The following SYTL2 variants were observed in gnomAD, a reference collection of about 807,000 sequenced individuals.
The protein encoded by SYTL2 is synaptotagmin like 2.
SYTL2 carries 165 observed loss-of-function variants against 198.7 expected under a neutral mutation model. That is an observed-to-expected ratio of 0.83 (90% CI 0.73 to 0.94). The LOEUF (loss-of-function observed/expected upper bound fraction) is 0.94. Among genes scored for constraint, SYTL2 ranks in the 40% least tolerant of loss-of-function variants. The probability of loss-of-function intolerance (pLI) is 0.00; values close to 1 mark genes in which losing one functional copy is unlikely to be tolerated. For missense variants in SYTL2, 2,835 were observed against 2,582.8 expected (o/e 1.10, Z -2.12); for synonymous variants, 966 against 917.7 (o/e 1.05, Z -0.95).
the SYTL2 span, among the ~76,000 whole-genome samples, chr11:85,824,224 T>C: frequency 1.3e-5 from 2 of 151,892 alleles, no homozygotes; most frequent in Admixed American, 1.3e-4. Context: ...GGAAGAAGAT[T>C]GGAGAGGTTA....
intron 1 of SYTL2, among the ~76,000 whole-genome samples, chr11:85,801,797 C>G (rs939280300): frequency 2.0e-5 from 3 of 151,870 alleles, no homozygotes; most frequent in Non-Finnish European, 2.9e-5. Context: ...GTCCTGTGTG[C>G]CAACTCAGTA....
intron 4 of SYTL2, among the ~76,000 whole-genome samples, chr11:85,739,061 A>G (rs2090581552): frequency 6.6e-6 from 1 of 151,920 alleles, no homozygotes; most frequent in African/African-American, 2.4e-5. Flanking sequence ...CTACTATGCA[A>G]CCTCCTCTGT....
At chr11:85,712,439 C>G (rs942954215) in intron 12 of SYTL2, among the ~76,000 whole-genome samples, 1 of 152,114 alleles carries the variant, frequency 6.6e-6, no homozygotes, top group South Asian at 2.1e-4. Flanking sequence ...GTAACTGGCA[C>G]TCAACAAATG....
chr11:85,834,183 A>T, the SYTL2 span, among the ~76,000 whole-genome samples: 1 of 152,224 alleles, frequency 6.6e-6, no homozygotes, highest in Non-Finnish European at 1.5e-5. Flanking sequence ...ATATTATCAC[A>T]TTCAGAATAT....
chr11:85,782,402 T>TG (rs1172290250), intron 1 of SYTL2, among the ~76,000 whole-genome samples: 2 of 152,032 alleles, frequency 1.3e-5, no homozygotes, highest in African/African-American at 2.4e-5. Flanking sequence ...CTGTGATGGG[T>TG]GGGGGGGCTG....
intron 1 of SYTL2, among the ~76,000 whole-genome samples, chr11:85,759,866 T>C (rs2092044446): frequency 6.6e-6 from 1 of 152,180 alleles, no homozygotes; most frequent in Non-Finnish European, 1.5e-5. Flanking sequence ...AGTTACCACC[T>C]CCATGAAGCC....
chr11:85,816,411 T>C, the SYTL2 span, among the ~76,000 whole-genome samples: 1 of 152,100 alleles, frequency 6.6e-6, no homozygotes, highest in Non-Finnish European at 1.5e-5. Context: ...CCTCCACTTA[T>C]ATGAGGTACC....
rs144051405 is a variant in SYTL2 at position 85,708,104 on chromosome 11, T to C, written c.5916-573A>G. 1.7e-3 allele frequency: 737 copies of C among 427,182 alleles called. 6 individuals are homozygous for C. Among genetic ancestry groups the C allele is most frequent in the African/African-American group, 0.015 (712 of 47,052 alleles). 26.5% of individuals were successfully genotyped at this position (427,182 alleles called of 1,614,324 possible). A position where few individuals can be genotyped will look rare whatever the true frequency, so the allele number is the denominator to read the frequency against. ...CTTGAACCCGGGAGGCGAAGGTTGC[T>C]GTGAGCTGAGATCGTGCCAGCCTGG... is the stretch of plus-strand genomic sequence containing the variant. On this transcript the variant is annotated intron_variant, in intron 14 of 19. Coordinates refer to ENST00000359152, the MANE Select transcript of SYTL2 (RefSeq NM_206927.4).
At chr11:85,802,220 C>CTTTTTTTTTTTT (rs5793172) in intron 1 of SYTL2, among the ~76,000 whole-genome samples, 12 of 122,586 alleles carry the variant, frequency 9.8e-5, no homozygotes, top group South Asian at 2.6e-4. Context: ...TTTTTCTTTT[C>CTTTTTTTTTTTT]TTTTTTTTTT....
At chr11:85,699,085 G>T (rs928078048) in intron 17 of SYTL2, among the ~76,000 whole-genome samples, 11 of 152,234 alleles carry the variant, frequency 7.2e-5, no homozygotes, top group Middle Eastern at 3.4e-3. Flanking sequence ...GATATACAGA[G>T]AATACATGAA....
At position 85,709,470 on chromosome 11, in the gene SYTL2, C is replaced by T. The variant is rs1309612596; in HGVS notation, c.5776G>A (p.Gly1926Arg). ...VSGSVMSVYS[G>R]DFGNLEVKGN... ...TTAACTTCCAGATTGCCAAAGTCTC[C>T]ACTATAAACACTCATCACACTGCCA... Residue 1926 changes from glycine to arginine, a missense_variant, in exon 14 of 20, where the codon GGA becomes AGA. Transcript: ENST00000359152. The T allele has an allele frequency of 1.9e-6, 3 of 1,613,948 alleles. No individual in the cohort carries two copies. The highest frequency in any genetic ancestry group is 1.7e-4 in the Middle Eastern group (1 of 6,052).
Position 85,757,834 on chromosome 11 carries a change from C to T in SYTL2, c.-109G>A. ...ATTAAAACACACAAAAATGAAATAT[C>T]TTGTTCAGTTCTGCATCAAAGTCTT... On this transcript the variant is annotated 5_prime_UTR_variant, in exon 2 of 20. Coordinates refer to ENST00000359152, the MANE Select transcript of SYTL2 (RefSeq NM_206927.4). 1 of 1,514,420 alleles carries T rather than the reference C, an allele frequency of 6.6e-7. No homozygotes were observed. The highest frequency in any genetic ancestry group is 1.4e-5 in the African/African-American group (1 of 73,000). 93.8% of individuals were successfully genotyped at this position (1,514,420 alleles called of 1,614,324 possible).
intron 4 of SYTL2, among the ~76,000 whole-genome samples, chr11:85,741,010 C>T (rs1457573242): frequency 2.6e-5 from 4 of 152,068 alleles, no homozygotes; most frequent in South Asian, 2.1e-4. Context: ...AGGTTTTTAA[C>T]GTTCACCAGC....
intron 15 of SYTL2, among the ~76,000 whole-genome samples, chr11:85,706,233 A>G (rs1467876567): frequency 6.6e-6 from 1 of 152,162 alleles, no homozygotes; most frequent in Non-Finnish European, 1.5e-5. Flanking sequence ...CTCCACTGCT[A>G]AGGTAGGTAG....
At chr11:85,783,234 G>A (rs2092589180) in intron 1 of SYTL2, among the ~76,000 whole-genome samples, 1 of 152,158 alleles carries the variant, frequency 6.6e-6, no homozygotes, top group Non-Finnish European at 1.5e-5. Context: ...TTTTTTACAT[G>A]GTGGCAGCAA....
At position 85,724,819 on chromosome 11, in the gene SYTL2, G is replaced by A. The variant is rs547877623; in HGVS notation, c.4539C>T (p.Pro1513=). ...KLLKEETETF[P]SKYESDTGNL... ...TCCCTGTATCACTTTCATATTTTGA[G>A]GGGAAGGTTTCAGTTTCTTCCTTCA... is the stretch of plus-strand genomic sequence containing the variant. Residue 1513 remains proline (P), a synonymous_variant, in exon 8 of 20, where the codon CCC becomes CCT. Transcript: ENST00000359152. 8 of 1,613,612 alleles carry A rather than the reference G, an allele frequency of 5.0e-6. No homozygotes were observed. In the Admixed American group the frequency reaches 1.0e-4, roughly 20 times the overall value.
At chr11:85,831,053 A>G in the SYTL2 span, among the ~76,000 whole-genome samples, 30,155 of 152,040 alleles carry the variant, frequency 0.2, 3,372 homozygotes, top group Middle Eastern at 0.22. Context: ...GGGCTGGCTA[A>G]CCCAAGTTGA....
chr11:85,758,405 G>A (rs2091977222), intron 1 of SYTL2, among the ~76,000 whole-genome samples: 1 of 152,232 alleles, frequency 6.6e-6, no homozygotes, highest in South Asian at 2.1e-4. Flanking sequence ...CTCTGGGGAT[G>A]CTAGGCTAAA....
At chr11:85,753,341 G>A (rs1342016997) in intron 2 of SYTL2, among the ~76,000 whole-genome samples, 2 of 152,100 alleles carry the variant, frequency 1.3e-5, no homozygotes, top group Non-Finnish European at 2.9e-5. Context: ...TGGGAGTTAG[G>A]GAAGCAGGCT....
Sources: gnomAD v4.1 joint callset for allele counts (sites outside exome capture counted in the v4.1 genomes callset) on GRCh38, gnomAD v4.1.1 for gene constraint, MANE v1.5 for transcripts, NCBI Gene and HGNC (gene_info 2026-07-23, HGNC 2026-07-21) for gene names.